The following TP63 variants were observed in gnomAD, a reference collection of about 807,000 sequenced individuals.
The protein encoded by TP63 is tumor protein p63.
In TP63, 17 loss-of-function variants were observed where a neutral mutation model predicts 82.8. That is an observed-to-expected ratio of 0.21 (90% confidence interval 0.14 to 0.31). The LOEUF (loss-of-function observed/expected upper bound fraction) is 0.31, where lower values mean the gene tolerates loss of function less well. Ranked by LOEUF, TP63 falls within the 10% of genes least tolerant of loss-of-function variation. TP63 has a pLI of 1.00. For synonymous variants in TP63, 330 were observed against 321.7 expected (o/e 1.03, Z -0.28); for missense variants, 648 against 895.3 (o/e 0.72, Z 3.52).
the TP63 span, among the ~76,000 whole-genome samples, chr3:189,615,458 A>G: frequency 6.6e-6 from 1 of 152,228 alleles, no homozygotes; most frequent in East Asian, 1.9e-4. Context: ...GGTTTCTTTA[A>G]TGGCACGCAT....
intron 4 of TP63, among the ~76,000 whole-genome samples, chr3:189,819,293 T>A (rs6795002): frequency 0.15 from 22,196 of 152,048 alleles, 1,797 homozygotes; most frequent in Middle Eastern, 0.2. Flanking sequence ...ACTTTTTTTT[T>A]AAATTTTATT....
In TP63 at chr3:189,647,186, C is replaced by T. The variant is rs1469119170; in HGVS notation, c.62+15609C>T. 3.4e-5 allele frequency among the ~76,000 whole-genome samples: 5 copies of T among 146,490 alleles called. 1 individual carries two copies. The highest frequency in any genetic ancestry group is 1.3e-4 in the African/African-American group (5 of 38,992). ...TCACAGGTGGTTAGTTTTTAATACC[C>T]GGTAAGGAGGGTTGCTATAAGTAGA... On this transcript the variant is annotated intron_variant, in intron 1 of 13. Transcript: ENST00000264731.
At chr3:189,637,804 A>G (rs1711504334) in intron 1 of TP63, among the ~76,000 whole-genome samples, 1 of 152,196 alleles carries the variant, frequency 6.6e-6, no homozygotes, top group Non-Finnish European at 1.5e-5. Flanking sequence ...GCAAAGCAGA[A>G]TTAAGGTTGT....
chr3:189,649,523 T>G (rs1031498348), intron 1 of TP63, among the ~76,000 whole-genome samples: 2 of 146,148 alleles, frequency 1.4e-5, no homozygotes, highest in African/African-American at 5.1e-5. Flanking sequence ...AATTAATGAG[T>G]GCTAGGCTTA....
intron 4 of TP63, among the ~76,000 whole-genome samples, chr3:189,855,532 A>G (rs748817394): frequency 6.6e-6 from 1 of 152,172 alleles, no homozygotes; most frequent in Non-Finnish European, 1.5e-5. Context: ...ACTAAATTAT[A>G]CTATTCTACT....
intron 4 of TP63, 48 bp from the exon 5 acceptor site, chr3:189,864,184 C>G (rs1717401136): frequency 6.2e-7 from 1 of 1,609,834 alleles, no homozygotes. Flanking sequence ...AACAATATCT[C>G]CTGTTGGTTC....
chr3:189,846,796 C>T (rs1407381763), intron 4 of TP63, among the ~76,000 whole-genome samples: 2 of 146,980 alleles, frequency 1.4e-5, no homozygotes, highest in African/African-American at 2.5e-5. Context: ...AAGCAATTCT[C>T]CTGCCTCAGA....
At chr3:189,730,468 G>T (rs1008688524) in intron 1 of TP63, among the ~76,000 whole-genome samples, 1 of 152,110 alleles carries the variant, frequency 6.6e-6, no homozygotes, top group Non-Finnish European at 1.5e-5. Flanking sequence ...ACTTCATATT[G>T]CCCAAGTTTT....
upstream of TP63, among the ~76,000 whole-genome samples, chr3:189,629,811 T>G (rs1354868973): frequency 6.6e-6 from 1 of 152,198 alleles, no homozygotes; most frequent in Non-Finnish European, 1.5e-5. Flanking sequence ...CACAGGAAAT[T>G]GATTATTTTT....
chr3:189,815,024 T>G (rs1010037233), intron 4 of TP63, among the ~76,000 whole-genome samples: 2 of 152,198 alleles, frequency 1.3e-5, no homozygotes, highest in Admixed American at 6.5e-5. Context: ...GCAAAAATCC[T>G]CTGCTTTTCC....
intron 3 of TP63, among the ~76,000 whole-genome samples, chr3:189,786,266 A>G (rs1329860930): frequency 2.0e-5 from 3 of 152,020 alleles, no homozygotes; most frequent in Non-Finnish European, 4.4e-5. Context: ...AAAAATCCTA[A>G]TATTGTAATA....
chr3:189,891,683 C>A (rs1371574356), intron 13 of TP63, among the ~76,000 whole-genome samples: 1 of 152,148 alleles, frequency 6.6e-6, no homozygotes, highest in Admixed American at 6.5e-5. Flanking sequence ...CGAGAGGGGA[C>A]TTTTTCTTGC....
intron 3 of TP63, among the ~76,000 whole-genome samples, chr3:189,771,295 T>C (rs1723324398): frequency 7.2e-6 from 1 of 138,812 alleles, no homozygotes; most frequent in Admixed American, 7.8e-5. Context: ...AAATATATAT[T>C]ATATTTATAT....
chr3:189,741,894 T>G (rs1260382426), intron 3 of TP63, among the ~76,000 whole-genome samples: 1 of 152,156 alleles, frequency 6.6e-6, no homozygotes, highest in Non-Finnish European at 1.5e-5. Context: ...TCCAAAAAAT[T>G]TGACATTTTA....
the TP63 span, among the ~76,000 whole-genome samples, chr3:189,618,401 T>G: frequency 1.2e-3 from 182 of 152,334 alleles, no homozygotes; most frequent in Non-Finnish European, 2.0e-3. Flanking sequence ...GCAGCACTCT[T>G]GTTGGCTGCC....
intron 3 of TP63, among the ~76,000 whole-genome samples, chr3:189,743,586 A>T (rs553892231): frequency 6.6e-6 from 1 of 152,308 alleles, no homozygotes; most frequent in South Asian, 2.1e-4. Flanking sequence ...TAAAATGGTA[A>T]GTCCAGGTAA....
At chr3:189,851,168 T>C (rs900156806) in intron 4 of TP63, among the ~76,000 whole-genome samples, 2 of 152,214 alleles carry the variant, frequency 1.3e-5, no homozygotes, top group Non-Finnish European at 2.9e-5. Flanking sequence ...TTTTTTCCAT[T>C]TTATATGTGT....
chr3:189,832,622 G>A (rs190014535), intron 4 of TP63, among the ~76,000 whole-genome samples: 1 of 152,136 alleles, frequency 6.6e-6, no homozygotes, highest in African/African-American at 2.4e-5. Context: ...TTATTATGCT[G>A]TCAGGAGTTG....
At chr3:189,673,992 T>C (rs1715166025) in intron 1 of TP63, among the ~76,000 whole-genome samples, 1 of 152,140 alleles carries the variant, frequency 6.6e-6, no homozygotes. Context: ...AAAGAAACCA[T>C]AGGCAAGACT....
Sources: allele counts gnomAD v4.1 joint callset (sites outside exome capture counted in the v4.1 genomes callset), GRCh38; gene constraint gnomAD v4.1.1; transcripts MANE v1.5; gene names NCBI Gene and HGNC (gene_info 2026-07-23, HGNC 2026-07-21).